Variants in LGALS16 observed in about 807,000 individuals in gnomAD.
LGALS16 encodes the protein galectin 16.
Under a neutral mutation model 13.2 loss-of-function variants are expected in LGALS16, and 15 were observed. The observed-to-expected ratio is 1.13, with a 90% confidence interval of 0.76 to 1.75. The LOEUF (loss-of-function observed/expected upper bound fraction) is 1.75, where lower values mean the gene tolerates loss of function less well. Among genes scored for constraint, LGALS16 ranks in the 40% most tolerant of loss-of-function variants. LGALS16 has a pLI of 0.00. For missense variants in LGALS16, 198 were observed against 178.4 expected (o/e 1.11, Z -0.63); for synonymous variants, 66 against 65.4 (o/e 1.01, Z -0.05).
Position 39,660,472 on chromosome 19 carries a change from G to A in LGALS16, c.381G>A (p.Trp127Ter). The A allele has an allele frequency of 6.5e-7, 1 of 1,542,844 alleles. No individual in the cohort carries two copies. Among genetic ancestry groups the A allele is most frequent in the Non-Finnish European group, 8.7e-7 (1 of 1,148,662 alleles). ...CATATGTGAAGATGATTCAAGTGTG[G>A]AGAGATGTCTCCCTGGACTCAGTGC... ...PPSYVKMIQVWRDVSLDSVLV... is the reference protein window; with the variant it reads ...PPSYVKMIQV Residue 127 changes from tryptophan (W) to a stop codon, truncating the protein, a stop_gained, in exon 4 of 4, where the codon TGG becomes TGA. Transcript: ENST00000392051. LOFTEE classifies it low-confidence loss of function (END_TRUNC).
At position 39,655,969 on chromosome 19, in the gene LGALS16, T is replaced by C; in HGVS notation, c.8T>C (p.Phe3Ser). The C allele has an allele frequency of 1.2e-6, 2 of 1,613,668 alleles. No individual in the cohort carries two copies. The highest frequency in any genetic ancestry group is 1.7e-6 in the Non-Finnish European group (2 of 1,179,930). ...GCCCAGAAGGAGAGGACAATGTCAT[T>C]TCTAACTGTGAGTTGAAAAGGCACA... Reference protein sequence around the residue: MSFLTVPYKLPVS... With the variant: MSSLTVPYKLPVS... The change falls in exon 1 of 4, where the codon TTT becomes TCT. Residue 3 changes from phenylalanine (F) to serine (S), a missense_variant. Transcript: ENST00000392051.
chr19:39,658,712 TC>T, intron 3 of LGALS16, 42 bp downstream of exon 3: 2 of 1,324,990 alleles, frequency 1.5e-6, no homozygotes, highest in Non-Finnish European at 2.1e-6. Flanking sequence ...CTCTTTGGGA[TC>T]CCAGAGCAGG....
rs771832155 is a variant in LGALS16 at position 39,657,888 on chromosome 19, A to G, written c.21A>G (p.Pro7=). 85 of 1,613,768 alleles carry G rather than the reference A, an allele frequency of 5.3e-5. No homozygotes were observed. Among genetic ancestry groups the G allele is most frequent in the Middle Eastern group, 1.6e-4 (1 of 6,082 alleles). MSFLTV[P]YKLPVSLSVG... ...TATTCTCAATACCCTGGCAGGTGCCATACAAACTGCCTGTGTCTTTGTCTG... is the reference window on the plus strand; with the variant it reads ...TATTCTCAATACCCTGGCAGGTGCCGTACAAACTGCCTGTGTCTTTGTCTG... Residue 7 remains proline, a synonymous_variant, in exon 2 of 4, where the codon CCA becomes CCG. Transcript: ENST00000392051.
intron 1 of LGALS16, 106 bp from the exon 2 acceptor site, chr19:39,657,777 A>G: frequency 7.9e-7 from 1 of 1,272,542 alleles, no homozygotes; most frequent in East Asian, 2.4e-5. Context: ...GAGAGTCCAC[A>G]GAGCCTGCCC....
chr19:39,659,662 A>G (rs891763533), intron 3 of LGALS16, among the ~76,000 whole-genome samples: 1 of 152,238 alleles, frequency 6.6e-6, no homozygotes, highest in Non-Finnish European at 1.5e-5. Context: ...TTACATTGCG[A>G]TATAATTACA....
At position 39,660,623 on chromosome 19, in the gene LGALS16, G is replaced by A; in HGVS notation, c.*103G>A. The A allele has an allele frequency of 2.0e-6, 2 of 1,018,414 alleles. No individual in the cohort carries two copies. The highest frequency in any genetic ancestry group is 2.6e-5 in the East Asian group (1 of 37,878). 63.1% of individuals were successfully genotyped at this position (1,018,414 alleles called of 1,614,324 possible). On this transcript the variant is annotated 3_prime_UTR_variant, in exon 4 of 4. Coordinates refer to ENST00000392051, the MANE Select transcript of LGALS16 (RefSeq NM_001190441.3). ...TCCTCAACCCCTTCCCCTACACTTG[G>A]TCATTAAAACAGCACCAAACCGTAC...
intron 1 of LGALS16, 74 bp downstream of exon 1, chr19:39,656,050 G>A (rs890358570): frequency 3.4e-5 from 50 of 1,491,016 alleles, no homozygotes; most frequent in Non-Finnish European, 4.6e-5. Context: ...TATTTTATGA[G>A]ATGAAAATAT....
chr19:39,657,848 C>T (rs1973211656), intron 1 of LGALS16, 35 bp from the exon 2 acceptor site: 2 of 1,608,300 alleles, frequency 1.2e-6, no homozygotes, highest in African/African-American at 1.3e-5. Context: ...TGCACCTGAC[C>T]CTGCACCTCT....
Position 39,660,577 on chromosome 19 carries a change from G to A in LGALS16, c.*57G>A. The A allele has an allele frequency of 6.8e-7, 1 of 1,464,936 alleles. No individual in the cohort carries two copies. The allele number at this position is 1,464,936 out of a possible 1,614,324, so 90.7% of individuals were successfully genotyped here. Reference sequence around the variant, plus strand: ...TCTACCTGACCATGGGATTCCTAGAGCCTGCTAACAGAATAATCCCTCCTC... The same window carrying A: ...TCTACCTGACCATGGGATTCCTAGAACCTGCTAACAGAATAATCCCTCCTC... On this transcript the variant is annotated 3_prime_UTR_variant, in exon 4 of 4. Transcript: ENST00000392051.
intron 1 of LGALS16, among the ~76,000 whole-genome samples, chr19:39,657,286 A>G (rs748707577): frequency 8.6e-5 from 13 of 152,034 alleles, no homozygotes; most frequent in Non-Finnish European, 1.8e-4. Context: ...AAAATCATCA[A>G]CCACTTGTAG....
Position 39,660,398 on chromosome 19 carries a change from A to C in LGALS16, c.307A>C (p.Lys103Gln). ...TGATGCATTTTTCCTCTTAAAGGTA[A>C]AGGTAAATGGTGAATACATTTATGC... is the stretch of plus-strand genomic sequence containing the variant. ...IYVCHNEYEV[K>Q]VNGEYIYAFV... The change falls in exon 4 of 4, where the codon AAG (lysine) becomes CAG (glutamine). Residue 103 changes from lysine to glutamine, a missense_variant. Lys to Gln is a moderately conservative substitution (Grantham distance 53, BLOSUM62 1). Coordinates refer to ENST00000392051, the MANE Select transcript of LGALS16 (RefSeq NM_001190441.3). The C allele has an allele frequency of 3.9e-6, 6 of 1,540,716 alleles. No individual in the cohort carries two copies. Among genetic ancestry groups the C allele is most frequent in the Non-Finnish European group, 5.2e-6 (6 of 1,147,902 alleles).
rs1391796557 is a variant in LGALS16 at position 39,660,419 on chromosome 19, T to A, written c.328T>A (p.Tyr110Asn). 6.5e-7 allele frequency: 1 copy of A among 1,540,860 alleles called. No individual in the cohort carries two copies. Among genetic ancestry groups the A allele is most frequent in the Non-Finnish European group, 8.7e-7 (1 of 1,147,694 alleles). ...GGTAAAGGTAAATGGTGAATACATT[T>A]ATGCCTTTGTCCATCGAATCCCGCC... Reference protein sequence around the residue: ...YEVKVNGEYIYAFVHRIPPSY... With the variant: ...YEVKVNGEYINAFVHRIPPSY... Residue 110 changes from tyrosine to asparagine, a missense_variant, in exon 4 of 4, where the codon TAT becomes AAT. By Grantham distance (143) the Tyr-to-Asn change is moderately radical (BLOSUM62 -2). Transcript: ENST00000392051.
At chr19:39,660,260 A>T in intron 3 of LGALS16, 135 bp from the exon 4 acceptor site, 1 of 782,374 alleles carries the variant, frequency 1.3e-6, no homozygotes, top group Non-Finnish European at 2.0e-6. Flanking sequence ...TGTAAACAGA[A>T]GTGTATCTAC....
At chr19:39,658,918 T>C (rs1190757623) in intron 3 of LGALS16, among the ~76,000 whole-genome samples, 3 of 152,212 alleles carry the variant, frequency 2.0e-5, no homozygotes, top group Non-Finnish European at 1.5e-5. Context: ...TCTTTTCACA[T>C]AGTGCTCATT....
At chr19:39,656,827 GGAT>G (rs1973200114) in intron 1 of LGALS16, among the ~76,000 whole-genome samples, 1 of 151,896 alleles carries the variant, frequency 6.6e-6, no homozygotes, top group Non-Finnish European at 1.5e-5. Context: ...TGCTAGAGAA[GGAT>G]ATTAGAGGCC....
At chr19:39,656,033 T>C in intron 1 of LGALS16, 57 bp downstream of exon 1, 1 of 1,569,716 alleles carries the variant, frequency 6.4e-7, no homozygotes, top group Non-Finnish European at 8.7e-7. Context: ...CCAAGAAAGA[T>C]GTGGGGTATT....
intron 3 of LGALS16, 118 bp from the exon 4 acceptor site, chr19:39,660,277 C>T (rs993943094): frequency 9.5e-6 from 9 of 948,414 alleles, no homozygotes; most frequent in East Asian, 2.7e-5. Flanking sequence ...CTACAACATT[C>T]GCTTGTATAA....
rs1340997308 is a variant in LGALS16, at chr19:39,660,413, T to TTAAGG, written c.322_323insTAAGG (p.Tyr108LeufsTer16). The TTAAGG allele has an allele frequency of 1.6e-5, 24 of 1,540,468 alleles. No individual in the cohort carries two copies. The highest frequency in any genetic ancestry group is 1.8e-5 in the Non-Finnish European group (21 of 1,147,586). On this transcript the variant is annotated frameshift_variant, in exon 4 of 4. Transcript: ENST00000392051. LOFTEE classifies it low-confidence loss of function (END_TRUNC). ...CTTAAAGGTAAAGGTAAATGGTGAATACATTTATGCCTTTGTCCATCGAAT... is the reference window on the plus strand; with the variant it reads ...CTTAAAGGTAAAGGTAAATGGTGAATTAAGGACATTTATGCCTTTGTCCATCGAAT...
intron 2 of LGALS16, 21 bp from the exon 3 acceptor site, chr19:39,658,439 T>G: frequency 6.4e-7 from 1 of 1,569,814 alleles, no homozygotes; most frequent in Non-Finnish European, 8.6e-7. Flanking sequence ...CTGTCCAATA[T>G]GCTGTGTGCT....
Sources: gnomAD v4.1 joint callset for allele counts (sites outside exome capture counted in the v4.1 genomes callset) on GRCh38, gnomAD v4.1.1 for gene constraint, MANE v1.5 for transcripts, NCBI Gene and HGNC (gene_info 2026-07-23, HGNC 2026-07-21) for gene names.